DAB2: variants seen among roughly 807,000 people sequenced by gnomAD.
DAB2 encodes the protein DAB adaptor protein 2.
A neutral mutation model predicts 71.6 loss-of-function variants in DAB2; 28 were observed. The ratio of observed to expected loss-of-function variants is 0.39; its 90% CI spans 0.29 to 0.54. The LOEUF (loss-of-function observed/expected upper bound fraction) is 0.54, where lower values mean the gene tolerates loss of function less well. DAB2 is among the 20% of genes least tolerant of loss of function. DAB2 has a pLI of 0.68. For missense variants in DAB2, 867 were observed against 928.8 expected (o/e 0.93, Z 0.86); for synonymous variants, 345 against 339.7 (o/e 1.02, Z -0.17).
At chr5:39,405,544 C>T (rs1044450334) in intron 1 of DAB2, among the ~76,000 whole-genome samples, 10 of 152,180 alleles carry the variant, frequency 6.6e-5, no homozygotes, top group Admixed American at 3.9e-4. Flanking sequence ...CCATTTGGTA[C>T]GTGAGTTTCA....
chr5:39,387,102 G>A (rs1265494905), intron 9 of DAB2, among the ~76,000 whole-genome samples: 1 of 152,166 alleles, frequency 6.6e-6, no homozygotes, highest in Non-Finnish European at 1.5e-5. Flanking sequence ...TAGGGTCAGA[G>A]AAGAATGCAT....
chr5:39,392,515 A>ATGGT, intron 3 of DAB2, 52 bp from the exon 4 acceptor site: 1 of 1,299,704 alleles, frequency 7.7e-7, no homozygotes, highest in Middle Eastern at 1.8e-4. Flanking sequence ...ACATCCTACA[A>ATGGT]TGGTTTTAAT....
At chr5:39,400,845 T>A (rs1441688682) in intron 1 of DAB2, among the ~76,000 whole-genome samples, 1 of 152,142 alleles carries the variant, frequency 6.6e-6, no homozygotes, top group East Asian at 1.9e-4. Flanking sequence ...TGTCCAGTAC[T>A]TTGTACTGGA....
chr5:39,388,509 T>G, intron 8 of DAB2, 142 bp from the exon 9 acceptor site: 1 of 683,282 alleles, frequency 1.5e-6, no homozygotes, highest in East Asian at 2.7e-5. Context: ...CATATTAAGC[T>G]GTTTAGGTCA....
chr5:39,390,583 A>G lies in DAB2; in HGVS notation c.331-8T>C, dbSNP rs1265419585. The G allele has an allele frequency of 6.3e-7, 1 of 1,598,408 alleles. No homozygotes were observed. Among genetic ancestry groups the G allele is most frequent in the Non-Finnish European group, 8.6e-7 (1 of 1,169,396 alleles). ...ATGTTCATGCTCTATTACCTTAAAA[A>G]AGAACATAAAGAGTAATTTATTAAG... On this transcript the variant is annotated splice_region_variant and splice_polypyrimidine_tract_variant and intron_variant, in intron 4 of 14. Transcript: ENST00000320816.
chr5:39,420,026 C>T (rs570598422), intron 1 of DAB2, among the ~76,000 whole-genome samples: 3 of 152,266 alleles, frequency 2.0e-5, no homozygotes, highest in African/African-American at 7.2e-5. Context: ...TCTTGGATCA[C>T]GTGGTGGAGA....
chr5:39,388,947 G>C (rs1395644124), intron 7 of DAB2, 95 bp from the exon 8 acceptor site: 1 of 1,322,558 alleles, frequency 7.6e-7, no homozygotes, highest in African/African-American at 1.5e-5. Flanking sequence ...AATGGTTTTG[G>C]TATCATCTTT....
intron 10 of DAB2, 62 bp from the exon 11 acceptor site, chr5:39,381,678 A>C: frequency 1.3e-6 from 2 of 1,587,652 alleles, no homozygotes; most frequent in Non-Finnish European, 1.7e-6. Flanking sequence ...ATACAGCCTC[A>C]TTTTGTCTCC....
chr5:39,382,816 T>C lies in DAB2; in HGVS notation c.1143A>G (p.Val381=). The C allele has an allele frequency of 6.2e-7, 1 of 1,614,204 alleles. No individual in the cohort carries two copies. The highest frequency in any genetic ancestry group is 8.5e-7 in the Non-Finnish European group (1 of 1,180,040). ...AGAAGCCGTTCTGTTCTCTTTCAGA[T>C]ACCCCATTTTGAGTTCTCACTGCTG... ...TQPAVRTQNG[V]SEREQNGFSV... is the part of the protein sequence containing the mutation. The change falls in exon 10 of 15, where the codon GTA becomes GTG. Residue 381 remains valine (V), a synonymous_variant. Transcript: ENST00000320816.
chr5:39,393,510 T>C (rs1755284392), intron 2 of DAB2, 117 bp from the exon 3 acceptor site: 1 of 1,060,262 alleles, frequency 9.4e-7, no homozygotes. Flanking sequence ...ACTGATCATG[T>C]ATGTAATATT....
intron 11 of DAB2, among the ~76,000 whole-genome samples, chr5:39,378,555 T>C (rs1018448814): frequency 6.6e-6 from 1 of 152,252 alleles, no homozygotes; most frequent in African/African-American, 2.4e-5. Context: ...GACATTGGTA[T>C]TACCTGACTC....
intron 1 of DAB2, among the ~76,000 whole-genome samples, chr5:39,401,449 G>A (rs1459938530): frequency 6.6e-6 from 1 of 152,158 alleles, no homozygotes; most frequent in African/African-American, 2.4e-5. Context: ...CTATCAAACA[G>A]TTAACTTTGG....
chr5:39,382,183 G>A (rs1754996190), intron 10 of DAB2, among the ~76,000 whole-genome samples: 1 of 152,126 alleles, frequency 6.6e-6, no homozygotes, highest in Non-Finnish European at 1.5e-5. Context: ...TAAAAGAGGA[G>A]ATAAGCTCGA....
At chr5:39,424,505 A>G (rs1324717530) in intron 1 of DAB2, among the ~76,000 whole-genome samples, 1 of 147,032 alleles carries the variant, frequency 6.8e-6, no homozygotes, top group Admixed American at 6.7e-5. Context: ...ACACACACAC[A>G]CACACACACA....
At chr5:39,419,795 A>C (rs1755937094) in intron 1 of DAB2, among the ~76,000 whole-genome samples, 1 of 152,216 alleles carries the variant, frequency 6.6e-6, no homozygotes, top group Non-Finnish European at 1.5e-5. Context: ...TCAAACCAAA[A>C]GTATATTGGA....
At chr5:39,406,364 T>C (rs1330159788) in intron 1 of DAB2, among the ~76,000 whole-genome samples, 3 of 152,094 alleles carry the variant, frequency 2.0e-5, no homozygotes, top group Non-Finnish European at 2.9e-5. Flanking sequence ...ACTGAGCACT[T>C]CCCATACCTG....
At chr5:39,384,686 G>A (rs1755056997) in intron 9 of DAB2, among the ~76,000 whole-genome samples, 1 of 152,030 alleles carries the variant, frequency 6.6e-6, no homozygotes, top group Non-Finnish European at 1.5e-5. Flanking sequence ...AATCCGACAT[G>A]TCTTTATTCC....
chr5:39,409,111 G>A (rs1378985452), intron 1 of DAB2, among the ~76,000 whole-genome samples: 1 of 150,744 alleles, frequency 6.6e-6, no homozygotes, highest in East Asian at 2.0e-4. Context: ...CTACCTGCTT[G>A]AAATTGTGCT....
chr5:39,375,091 A>G lies in DAB2; in HGVS notation c.2248-7T>C, dbSNP rs763013412. The stretch of plus-strand genomic sequence containing the variant: ...CAGGTTGAGAAGAAGCCACCTAAGA[A>G]GATAAAATCATCTAGTCAATAAATA... On this transcript the variant is annotated splice_region_variant and splice_polypyrimidine_tract_variant and intron_variant, in intron 13 of 14. Coordinates refer to ENST00000320816, the MANE Select transcript of DAB2 (RefSeq NM_001343.4). 1.3e-6 allele frequency: 2 copies of G among 1,593,502 alleles called. No individual in the cohort carries two copies. Among genetic ancestry groups the G allele is most frequent in the Non-Finnish European group, 1.7e-6 (2 of 1,164,844 alleles).
Sources: gnomAD v4.1 joint callset for allele counts (sites outside exome capture counted in the v4.1 genomes callset) on GRCh38, gnomAD v4.1.1 for gene constraint, MANE v1.5 for transcripts, NCBI Gene and HGNC (gene_info 2026-07-23, HGNC 2026-07-21) for gene names.